Variants in KIF1A observed in about 807,000 individuals in gnomAD.
KIF1A encodes the protein kinesin family member 1A, also known as kinesin-like protein KIF1A.
A neutral mutation model predicts 227.3 loss-of-function variants in KIF1A; 46 were observed. The observed-to-expected ratio is 0.20, with a 90% confidence interval of 0.16 to 0.26. The LOEUF (loss-of-function observed/expected upper bound fraction) is 0.26. KIF1A is among the 10% of genes least tolerant of loss of function. The probability of loss-of-function intolerance (pLI) is 1.00; values close to 1 mark genes in which losing one functional copy is unlikely to be tolerated. For missense variants in KIF1A, 1,683 were observed against 2,485.9 expected, an observed-to-expected ratio of 0.68 and a Z score of 6.87; for synonymous variants, 1,022 against 1,012.8, an observed-to-expected ratio of 1.01 and a Z score of -0.17.
intron 23 of KIF1A, among the ~76,000 whole-genome samples, chr2:240,762,475 A>C (rs533096255): frequency 3.9e-5 from 6 of 152,220 alleles, no homozygotes; most frequent in Non-Finnish European, 4.4e-5. Flanking sequence ...GAATGTGTGC[A>C]TGTGTGTACA....
rs904321105 is a variant in KIF1A, at chr2:240,739,960, G to A, written c.3901+98C>T. 5.2e-5 allele frequency: 45 copies of A among 871,046 alleles called. No individual in the cohort carries two copies. Among genetic ancestry groups the A allele is most frequent in the Admixed American group, 1.0e-4 (5 of 48,698 alleles). 54.0% of individuals were successfully genotyped at this position (871,046 alleles called of 1,614,324 possible). A position where few individuals can be genotyped will look rare whatever the true frequency, so the allele number is the denominator to read the frequency against. On this transcript the variant is annotated intron_variant, in intron 37 of 48. Transcript: ENST00000498729. This position sits in a 1 kb window ranked among gnomAD's most constrained non-coding sequence, Gnocchi z 5.6. The stretch of plus-strand genomic sequence containing the variant: ...CGGCCAGGGTCACGCAGCAACAGAC[G>A]CAGAGGTGTGGTTAGAACCCGGGTA...
chr2:240,798,665 C>T (rs559570131), intron 1 of KIF1A, among the ~76,000 whole-genome samples: 64 of 152,316 alleles, frequency 4.2e-4, no homozygotes, highest in African/African-American at 1.5e-3. Flanking sequence ...CCCCGCAAAA[C>T]AGTGACGAAG....
At chr2:240,748,938 T>C (rs1430180333) in intron 28 of KIF1A, among the ~76,000 whole-genome samples, 3 of 152,016 alleles carry the variant, frequency 2.0e-5, no homozygotes, top group East Asian at 3.9e-4. Context: ...CTGGCCAACA[T>C]GGTGAAACCC....
intron 25 of KIF1A, among the ~76,000 whole-genome samples, chr2:240,760,212 G>C (rs553582789): frequency 7.2e-5 from 11 of 152,272 alleles, no homozygotes; most frequent in African/African-American, 2.6e-4. Context: ...CCACCTCCCG[G>C]CAGCTTCCTG....
At chr2:240,721,668 T>A (rs1357220761) in intron 44 of KIF1A, 139 bp downstream of exon 44, 4 of 715,026 alleles carry the variant, frequency 5.6e-6, no homozygotes, top group Non-Finnish European at 7.2e-6. Context: ...AGGTATGAGG[T>A]GTCCCTCTGC....
Position 240,757,265 on chromosome 2 carries a change from T to C in KIF1A, c.2858+54A>G. 1.3e-6 allele frequency: 2 copies of C among 1,499,144 alleles called. No homozygotes were observed. The highest frequency in any genetic ancestry group is 4.9e-5 in the East Asian group (2 of 40,582). 92.9% of individuals were successfully genotyped at this position (1,499,144 alleles called of 1,614,324 possible). ...GGTTCCTCTGTGCCCGCAGCAGTGC[T>C]CCTGTGCAAAAGAGCTGGGTCCTCC... On this transcript the variant is annotated intron_variant, in intron 27 of 48. Transcript: ENST00000498729. The surrounding 1 kb of genome is among the most constrained non-coding windows in gnomAD (Gnocchi z 6.2).
chr2:240,768,924 C>T (rs959047113), intron 17 of KIF1A, among the ~76,000 whole-genome samples: 8 of 152,034 alleles, frequency 5.3e-5, no homozygotes, highest in African/African-American at 1.9e-4. Flanking sequence ...CCCAAAGCCA[C>T]CAGCATGCCC....
intron 1 of KIF1A, among the ~76,000 whole-genome samples, chr2:240,819,674 C>A (rs1333778337): frequency 2.0e-5 from 3 of 152,044 alleles, no homozygotes; most frequent in Non-Finnish European, 4.4e-5. Flanking sequence ...TCCTCAGCCC[C>A]GCTCACCATC....
Position 240,771,086 on chromosome 2 carries a change from C to T in KIF1A, c.1226G>A (p.Gly409Asp). 1.2e-6 allele frequency: 2 copies of T among 1,613,552 alleles called. No individual in the cohort carries two copies. The highest frequency in any genetic ancestry group is 1.7e-6 in the Non-Finnish European group (2 of 1,179,798). The change falls in exon 15 of 49, where the codon GGT becomes GAT. Residue 409 changes from glycine to aspartate, a missense_variant. By Grantham distance (94) the Gly-to-Asp change is moderately conservative. Around this residue, in one of 12 missense-constraint regions of KIF1A, gnomAD observed 110 missense variants for 133.1 expected, o/e 0.83. Transcript: ENST00000498729. ...TGAGAGCGAGGATGAGGGGCTCATA[C>T]CCACCAGGGCATTGGTCACTGTGGA... ...GGPKLTNALV[G>D]MSPSSSLSAL...
chr2:240,809,367 C>T (rs542772612), intron 1 of KIF1A, among the ~76,000 whole-genome samples: 40 of 152,266 alleles, frequency 2.6e-4, no homozygotes, highest in African/African-American at 6.7e-4. Context: ...GGCATGAAGT[C>T]GGGCTGTGCT....
intron 7 of KIF1A, 27 bp from the exon 8 acceptor site, chr2:240,783,843 G>C: frequency 6.5e-7 from 1 of 1,549,998 alleles, no homozygotes; most frequent in Non-Finnish European, 8.8e-7. Context: ...ATCACATGCA[G>C]GAAAGGCCAC....
rs1410427388 is a variant in KIF1A, at chr2:240,778,543, C to T, written c.883-2617G>A. 6.7e-6 allele frequency among the ~76,000 whole-genome samples: 1 copy of T among 149,874 alleles called. No homozygotes were observed. Among genetic ancestry groups the T allele is most frequent in the Non-Finnish European group, 1.5e-5 (1 of 67,294 alleles). ...ACACACACACACACACACACACACA[C>T]AGGCTTCTCAGTGTCCCACGGGCCT... On this transcript the variant is annotated intron_variant, in intron 10 of 48. Coordinates refer to ENST00000498729, the MANE Select transcript of KIF1A (RefSeq NM_001244008.2). The surrounding 1 kb of genome is among the most constrained non-coding windows in gnomAD (Gnocchi z 7.2).
intron 38 of KIF1A, among the ~76,000 whole-genome samples, chr2:240,730,665 T>C (rs949083318): frequency 3.3e-5 from 5 of 152,362 alleles, no homozygotes; most frequent in East Asian, 3.9e-4. Context: ...CTTGATCCGA[T>C]GTGAACACAC....
In KIF1A at chr2:240,768,752, C is replaced by T. The variant is rs188624348; in HGVS notation, c.1497+381G>A. Among the ~76,000 whole-genome samples the T allele has an allele frequency of 3.3e-5, 5 of 152,306 alleles. No homozygotes were observed. In the East Asian group the frequency reaches 9.7e-4, roughly 29 times the overall value. ...GTCAGACCTGACTCTAGCTGAGTTCCAAGAAGGCAGCTGGCACCCAGCTCT... is the reference window on the plus strand; with the variant it reads ...GTCAGACCTGACTCTAGCTGAGTTCTAAGAAGGCAGCTGGCACCCAGCTCT... On this transcript the variant is annotated intron_variant, in intron 17 of 48. Coordinates refer to ENST00000498729, the MANE Select transcript of KIF1A (RefSeq NM_001244008.2).
At chr2:240,787,674 AAATGAGGAGCTGCTG>A (rs2055120241) in intron 4 of KIF1A, among the ~76,000 whole-genome samples, 1 of 152,178 alleles carries the variant, frequency 6.6e-6, no homozygotes, top group African/African-American at 2.4e-5. Context: ...TTCCTGCAGC[AAATGAGGAGCTGCTG>A]GGTCTGGTGT....
In KIF1A at chr2:240,716,706, C is replaced by A. The variant is rs899960455; in HGVS notation, c.*658G>T. ...TCCATGCCGCGCAGACTTCAGGCACCAAAGACACCCCCCCACTCTCCCACA... is the reference window on the plus strand; with the variant it reads ...TCCATGCCGCGCAGACTTCAGGCACAAAAGACACCCCCCCACTCTCCCACA... On this transcript the variant is annotated 3_prime_UTR_variant, in exon 49 of 49. Coordinates refer to ENST00000498729, the MANE Select transcript of KIF1A (RefSeq NM_001244008.2). 6.6e-6 allele frequency: 1 copy of A among 152,568 alleles called. No homozygotes were observed. The highest frequency in any genetic ancestry group is 1.5e-5 in the Non-Finnish European group (1 of 68,126). The allele number at this position is 152,568 out of a possible 1,614,324, so 9.5% of individuals were successfully genotyped here.
Position 240,773,140 on chromosome 2 carries a change from G to T in KIF1A, c.1154C>A (p.Ala385Asp), listed in dbSNP as rs1281059636. The T allele has an allele frequency of 2.5e-6, 4 of 1,613,740 alleles. No homozygotes were observed. In the South Asian group the frequency reaches 4.4e-5, roughly 18 times the overall value. The change falls in exon 13 of 49, where the codon GCC becomes GAC. Residue 385 changes from alanine to aspartate, a missense_variant. This residue lies in a region of KIF1A where 110 missense variants were observed against 133.1 expected (regional missense o/e 0.83). Coordinates refer to ENST00000498729, the MANE Select transcript of KIF1A (RefSeq NM_001244008.2). ...EVTRLRDLLY[A>D]QGLGDITDTN... ...GTCAGTGATGTCGCCAAGACCCTGGGCGTACAGAAGGTCCCGCAGCCGGGT... is the reference window on the plus strand; with the variant it reads ...GTCAGTGATGTCGCCAAGACCCTGGTCGTACAGAAGGTCCCGCAGCCGGGT...
chr2:240,786,650 C>A, intron 5 of KIF1A, 137 bp from the exon 6 acceptor site: 1 of 704,462 alleles, frequency 1.4e-6, no homozygotes, highest in Non-Finnish European at 2.3e-6. Flanking sequence ...ATCAGGACCC[C>A]TGAGTGAGGG....
In KIF1A at chr2:240,786,448, G is replaced by T; in HGVS notation, c.495C>A (p.Asn165Lys). The part of the protein sequence containing the change: ...RDLLNPKNKG[N>K]LRVREHPLLG... ...GCAGTGGGTGCTCCCTCACGCGAAG[G>T]TTGCCCTTGTTCTTGGGGTTCAGGA... The change falls in exon 6 of 49, where the codon AAC becomes AAA. Residue 165 changes from asparagine (N) to lysine (K), a missense_variant. Around this residue, in one of 12 missense-constraint regions of KIF1A, gnomAD observed 75 missense variants for 131.2 expected, o/e 0.57. Transcript: ENST00000498729. 1 of 1,613,650 alleles carries T rather than the reference G, an allele frequency of 6.2e-7. No homozygotes were observed. Among genetic ancestry groups the T allele is most frequent in the Non-Finnish European group, 8.5e-7 (1 of 1,179,774 alleles).
Sources: allele counts gnomAD v4.1 joint callset (sites outside exome capture counted in the v4.1 genomes callset), GRCh38; gene constraint gnomAD v4.1.1; regional missense constraint gnomAD v4.1.1; non-coding constraint Gnocchi (gnomAD v3.1); transcripts MANE v1.5; gene names NCBI Gene and HGNC (gene_info 2026-07-23, HGNC 2026-07-21).